Variants in NCS1 observed in about 807,000 individuals in gnomAD.
NCS1 encodes the protein frequenin homolog.
Under a neutral mutation model 28.4 loss-of-function variants are expected in NCS1, and 6 were observed. The ratio of observed to expected loss-of-function variants is 0.21; its 90% CI spans 0.12 to 0.42. The LOEUF (loss-of-function observed/expected upper bound fraction) is 0.42, where lower values mean the gene tolerates loss of function less well. NCS1 is among the 10% of genes least tolerant of loss of function. The pLI is 1.00. For synonymous variants in NCS1, 86 were observed against 99.3 expected (o/e 0.87, Z 0.79); for missense variants, 131 against 241.4 (o/e 0.54, Z 3.03).
In NCS1 at chr9:130,215,663, C is replaced by T. The variant is rs576647630; in HGVS notation, c.90-2169C>T. ...AAATGGGATGGTTGGGCCGACCTGCCGAGGGAACCACCCTCTCAGCACAGT... is the reference window on the plus strand; with the variant it reads ...AAATGGGATGGTTGGGCCGACCTGCTGAGGGAACCACCCTCTCAGCACAGT... On this transcript the variant is annotated intron_variant, in intron 2 of 7. Coordinates refer to ENST00000372398, the MANE Select transcript of NCS1 (RefSeq NM_014286.4). This position sits in a 1 kb window ranked among gnomAD's most constrained non-coding sequence, Gnocchi z 4.2. Among the ~76,000 whole-genome samples the T allele has an allele frequency of 2.6e-5, 4 of 152,256 alleles. No individual in the cohort carries two copies. Among genetic ancestry groups the T allele is most frequent in the African/African-American group, 7.2e-5 (3 of 41,544 alleles).
In NCS1 at chr9:130,192,576, G is replaced by T. The variant is rs1397789743; in HGVS notation, c.65-8382G>T. On this transcript the variant is annotated intron_variant, in intron 1 of 7. Coordinates refer to ENST00000372398, the MANE Select transcript of NCS1 (RefSeq NM_014286.4). The surrounding 1 kb of genome is among the most constrained non-coding windows in gnomAD (Gnocchi z 4.8). ...GACCTCTTTCGTGGGACAGAGAGGGGAGGGTGCGTGGCCACGTTCACACAT... is the reference window on the plus strand; with the variant it reads ...GACCTCTTTCGTGGGACAGAGAGGGTAGGGTGCGTGGCCACGTTCACACAT... 6.6e-6 allele frequency among the ~76,000 whole-genome samples: 1 copy of T among 152,176 alleles called. No individual in the cohort carries two copies. Among genetic ancestry groups the T allele is most frequent in the Admixed American group, 6.5e-5 (1 of 15,280 alleles).
chr9:130,214,552 G>A (rs1419033981), intron 2 of NCS1, among the ~76,000 whole-genome samples: 3 of 152,164 alleles, frequency 2.0e-5, no homozygotes, highest in African/African-American at 7.2e-5. Context: ...GCGGGACGAG[G>A]ACTCACACGT....
chr9:130,184,262 C>T (rs960644793), intron 1 of NCS1, among the ~76,000 whole-genome samples: 10 of 152,124 alleles, frequency 6.6e-5, no homozygotes, highest in Non-Finnish European at 1.3e-4. Context: ...GATGCTGAGC[C>T]AAGATGGCTT....
At chr9:130,221,405 TATATATATAGAGAGAG>T (rs1460533870) in intron 4 of NCS1, among the ~76,000 whole-genome samples, 177 of 41,758 alleles carry the variant, frequency 4.2e-3, no homozygotes, top group African/African-American at 0.013. Flanking sequence ...TATATATATA[TATATATATAGAGAGAG>T]AGAGAGAGAG....
At position 130,181,818 on chromosome 9, in the gene NCS1, C is replaced by T. The variant is rs1053766612; in HGVS notation, c.64+9091C>T. Among the ~76,000 whole-genome samples the T allele has an allele frequency of 2.6e-5, 4 of 152,014 alleles. No homozygotes were observed. Among genetic ancestry groups the T allele is most frequent in the South Asian group, 2.1e-4 (1 of 4,814 alleles). On this transcript the variant is annotated intron_variant, in intron 1 of 7. Coordinates refer to ENST00000372398, the MANE Select transcript of NCS1 (RefSeq NM_014286.4). This position sits in a 1 kb window ranked among gnomAD's most constrained non-coding sequence, Gnocchi z 5.0. ...GTGGGCACGCTCCGAGCGTGAGTGA[C>T]GGGGTCATGGCGTGTGTCAGGAGTG...
chr9:130,199,359 C>T (rs1832913921), intron 1 of NCS1, among the ~76,000 whole-genome samples: 1 of 152,210 alleles, frequency 6.6e-6, no homozygotes, highest in African/African-American at 2.4e-5. Flanking sequence ...TCCCAAAGTG[C>T]TGGGATTACA....
chr9:130,183,264 G>A (rs956470891), intron 1 of NCS1, among the ~76,000 whole-genome samples: 10 of 152,100 alleles, frequency 6.6e-5, no homozygotes, highest in Admixed American at 1.3e-4. Context: ...TGTGAGATGC[G>A]ATGTCACCAT....
In NCS1 at chr9:130,235,037, G is replaced by A. The variant is rs2131167839; in HGVS notation, c.*2065G>A. Reference sequence around the variant, plus strand: ...GTGGGGCTGCGTGGCTGTTCCCCTTGGCTGGAGCATTCAGCCAACCCCAGC... The same window carrying A: ...GTGGGGCTGCGTGGCTGTTCCCCTTAGCTGGAGCATTCAGCCAACCCCAGC... On this transcript the variant is annotated 3_prime_UTR_variant, in exon 8 of 8. Transcript: ENST00000372398. 6.6e-6 allele frequency: 1 copy of A among 152,570 alleles called. No individual in the cohort carries two copies. Among genetic ancestry groups the A allele is most frequent in the African/African-American group, 2.4e-5 (1 of 41,556 alleles). 9.5% of individuals were successfully genotyped at this position (152,570 alleles called of 1,614,324 possible).
At chr9:130,207,446 A>G (rs1564709587) in intron 2 of NCS1, among the ~76,000 whole-genome samples, 1 of 151,968 alleles carries the variant, frequency 6.6e-6, no homozygotes, top group African/African-American at 2.4e-5. Flanking sequence ...TGCTAAGGAG[A>G]CTGTGGCCTC....
At chr9:130,184,467 G>T (rs1832713637) in intron 1 of NCS1, among the ~76,000 whole-genome samples, 4 of 152,032 alleles carry the variant, frequency 2.6e-5, no homozygotes, top group Admixed American at 2.6e-4. Flanking sequence ...GACAGGGCCT[G>T]GCACGGCTTA....
At position 130,177,154 on chromosome 9, in the gene NCS1, G is replaced by A. The variant is rs570464478; in HGVS notation, c.64+4427G>A. 1.2e-3 allele frequency among the ~76,000 whole-genome samples: 182 copies of A among 152,298 alleles called. 1 individual carries two copies. The highest frequency in any genetic ancestry group is 2.7e-3 in the Admixed American group (42 of 15,308). On this transcript the variant is annotated intron_variant, in intron 1 of 7. Transcript: ENST00000372398. The surrounding 1 kb of genome is among the most constrained non-coding windows in gnomAD (Gnocchi z 4.4). ...GAGCAGGTGGAGGGCAGGAGCCCAC[G>A]GCTGACGCCTCTGTGACCCCGAGCA...
chr9:130,224,920 G>A (rs1442288892), intron 6 of NCS1, among the ~76,000 whole-genome samples: 4 of 152,156 alleles, frequency 2.6e-5, no homozygotes, highest in South Asian at 2.1e-4. Flanking sequence ...GGTCAGGTGC[G>A]GTGGCTCACA....
Position 130,233,107 on chromosome 9 carries a change from G to T in NCS1, c.*135G>T, listed in dbSNP as rs11552458. ...ACACACAGCCGGCTGCCCTTGACCC[G>T]GGAGGCCCCGGCTCTCCTCTCCCCT... On this transcript the variant is annotated 3_prime_UTR_variant, in exon 8 of 8. Coordinates refer to ENST00000372398, the MANE Select transcript of NCS1 (RefSeq NM_014286.4). This position sits in a 1 kb window ranked among gnomAD's most constrained non-coding sequence, Gnocchi z 4.8. 0.032 allele frequency: 4,838 copies of T among 152,950 alleles called. 116 individuals carry two copies. Among genetic ancestry groups the T allele is most frequent in the Non-Finnish European group, 0.047 (3,218 of 68,450 alleles). 9.5% of individuals were successfully genotyped at this position (152,950 alleles called of 1,614,324 possible). A position where few individuals can be genotyped will look rare whatever the true frequency, so the allele number is the denominator to read the frequency against.
chr9:130,192,278 T>C lies in NCS1; in HGVS notation c.65-8680T>C, dbSNP rs1554906334. On this transcript the variant is annotated intron_variant, in intron 1 of 7. Transcript: ENST00000372398. This position sits in a 1 kb window ranked among gnomAD's most constrained non-coding sequence, Gnocchi z 4.8. ...GTCTGCTGTCACGTTACTCTGAGCT[T>C]GGAGGCAGTGCCGCCGAGCACTCCA... 1.3e-5 allele frequency among the ~76,000 whole-genome samples: 2 copies of C among 152,152 alleles called. No homozygotes were observed. The highest frequency in any genetic ancestry group is 4.8e-5 in the African/African-American group (2 of 41,426).
At chr9:130,178,984 G>C (rs1210013066) in intron 1 of NCS1, among the ~76,000 whole-genome samples, 1 of 142,414 alleles carries the variant, frequency 7.0e-6, no homozygotes, top group Non-Finnish European at 1.5e-5. Context: ...ACCCAGGCTG[G>C]AGTACGGTGG....
At chr9:130,187,507 C>G (rs775337126) in intron 1 of NCS1, among the ~76,000 whole-genome samples, 10 of 152,170 alleles carry the variant, frequency 6.6e-5, no homozygotes, top group Non-Finnish European at 1.3e-4. Context: ...GCCAGTTGCC[C>G]TGGAACACAT....
chr9:130,185,603 G>A (rs781937722), intron 1 of NCS1, among the ~76,000 whole-genome samples: 3 of 152,220 alleles, frequency 2.0e-5, no homozygotes, highest in African/African-American at 4.8e-5. Context: ...CCCTCCTCCC[G>A]GCCCTGCTCC....
intron 1 of NCS1, among the ~76,000 whole-genome samples, chr9:130,193,457 G>C (rs532742331): frequency 6.6e-6 from 1 of 152,228 alleles, no homozygotes; most frequent in South Asian, 2.1e-4. Flanking sequence ...GACAGTGGGG[G>C]CATTCTCGTA....
At chr9:130,218,252 C>T (rs1257018542) in intron 3 of NCS1, among the ~76,000 whole-genome samples, 9 of 152,368 alleles carry the variant, frequency 5.9e-5, no homozygotes, top group Admixed American at 3.3e-4. Context: ...CTCACACAGA[C>T]GTGTATGTGC....
Sources: allele counts gnomAD v4.1 joint callset (sites outside exome capture counted in the v4.1 genomes callset), GRCh38; gene constraint gnomAD v4.1.1; non-coding constraint Gnocchi (gnomAD v3.1); transcripts MANE v1.5; gene names NCBI Gene and HGNC (gene_info 2026-07-23, HGNC 2026-07-21).